Variants in KIF11 observed in about 807,000 individuals in gnomAD.
KIF11 encodes the protein kinesin family member 11, also known as kinesin-like protein KIF11.
A neutral mutation model predicts 121.0 loss-of-function variants in KIF11; 9 were observed. The observed-to-expected ratio is 0.07, with a 90% CI of 0.04 to 0.13. The LOEUF (loss-of-function observed/expected upper bound fraction) is 0.13, where lower values mean the gene tolerates loss of function less well. KIF11 is among the 10% of genes least tolerant of loss of function. KIF11 has a pLI of 1.00. For missense variants in KIF11, 846 were observed against 1,217.5 expected (o/e 0.69, Z 4.54); for synonymous variants, 408 against 421.0 (o/e 0.97, Z 0.38).
chr10:92,644,943 G>T (rs981606766), intron 17 of KIF11, among the ~76,000 whole-genome samples: 1 of 152,146 alleles, frequency 6.6e-6, no homozygotes, highest in Non-Finnish European at 1.5e-5. Flanking sequence ...CATAACATTT[G>T]TAATGTTCAT....
At chr10:92,600,002 A>C (rs1382348384) in intron 1 of KIF11, among the ~76,000 whole-genome samples, 1 of 104,014 alleles carries the variant, frequency 9.6e-6, no homozygotes, top group Non-Finnish European at 1.9e-5. Context: ...TATTATTATT[A>C]TTTATTTATT....
At chr10:92,628,490 C>A (rs1219351932) in intron 10 of KIF11, among the ~76,000 whole-genome samples, 1 of 152,166 alleles carries the variant, frequency 6.6e-6, no homozygotes, top group Non-Finnish European at 1.5e-5. Flanking sequence ...GAGTTATAGT[C>A]CGTCCTCTGT....
At chr10:92,628,946 G>T (rs369282819) in intron 11 of KIF11, 51 bp downstream of exon 11, 8 of 962,342 alleles carry the variant, frequency 8.3e-6, no homozygotes, top group South Asian at 3.1e-5. Flanking sequence ...AATATTGAAA[G>T]AAAATTTTAG....
At chr10:92,627,927 G>A (rs1283559706) in intron 10 of KIF11, among the ~76,000 whole-genome samples, 1 of 152,114 alleles carries the variant, frequency 6.6e-6, no homozygotes, top group Non-Finnish European at 1.5e-5. Context: ...TTTGTATGTA[G>A]ATTTACACTT....
At chr10:92,594,865 A>G (rs1333453620) in intron 1 of KIF11, among the ~76,000 whole-genome samples, 1 of 145,368 alleles carries the variant, frequency 6.9e-6, no homozygotes, top group African/African-American at 2.8e-5. Flanking sequence ...ATTTTTGTGT[A>G]AAGAGATTTT....
At chr10:92,633,531 G>C (rs980843426) in intron 13 of KIF11, 92 bp from the exon 14 acceptor site, 4 of 841,632 alleles carry the variant, frequency 4.8e-6, no homozygotes, top group African/African-American at 1.7e-5. Flanking sequence ...CTACAACAAG[G>C]GTATACTTTT....
rs370081426 is a variant in KIF11 at position 92,605,093 on chromosome 10, T to C, written c.78-1172T>C. Among the ~76,000 whole-genome samples the C allele has an allele frequency of 2.0e-5, 3 of 152,126 alleles. No individual in the cohort carries two copies. In the East Asian group the frequency reaches 5.8e-4, roughly 29 times the overall value. On this transcript the variant is annotated intron_variant, in intron 1 of 21. Transcript: ENST00000260731. ...GTAGGAATATATAGCAGACATTTAA[T>C]GTGGTCTTGGTTGGAGCAGGTGGGG...
At position 92,609,069 on chromosome 10, in the gene KIF11, A is replaced by G; in HGVS notation, c.437A>G (p.Lys146Arg). 6.3e-7 allele frequency: 1 copy of G among 1,597,468 alleles called. No homozygotes were observed. Reference protein sequence around the residue: ...IPRTLHQIFEKLTDNGTEFSV... With the variant: ...IPRTLHQIFERLTDNGTEFSV... ...CGTACCCTTCATCAAATTTTTGAGAAACTTACTGATAATGGTACTGAATTT... is the reference window on the plus strand; with the variant it reads ...CGTACCCTTCATCAAATTTTTGAGAGACTTACTGATAATGGTACTGAATTT... The change falls in exon 5 of 22, where the codon AAA becomes AGA. Residue 146 changes from lysine to arginine, a missense_variant. Lys to Arg is a conservative substitution (Grantham distance 26, BLOSUM62 2). Coordinates refer to ENST00000260731, the MANE Select transcript of KIF11 (RefSeq NM_004523.4).
intron 18 of KIF11, 75 bp downstream of exon 18, chr10:92,645,717 G>T: frequency 8.9e-7 from 1 of 1,121,170 alleles, no homozygotes; most frequent in South Asian, 1.6e-5. Flanking sequence ...GCTAAGAATA[G>T]ATTTCAAAAC....
chr10:92,645,792 A>T (rs1844912076), intron 18 of KIF11, 150 bp downstream of exon 18: 2 of 603,012 alleles, frequency 3.3e-6, no homozygotes, highest in African/African-American at 1.9e-5. Context: ...CTTACAGATG[A>T]TCTCGTTTTG....
Position 92,593,244 on chromosome 10 carries a change from G to C in KIF11, c.-132G>C, listed in dbSNP as rs1214122882. On this transcript the variant is annotated 5_prime_UTR_variant, in exon 1 of 22. Coordinates refer to ENST00000260731, the MANE Select transcript of KIF11 (RefSeq NM_004523.4). ...AGAGCGGGGACGCCGACCTGCGTGC[G>C]TCGGTCCTCCAGGCCACGCCAGCGC... 1.4e-5 allele frequency: 11 copies of C among 803,154 alleles called. No homozygotes were observed. The highest frequency in any genetic ancestry group is 2.0e-5 in the Non-Finnish European group (10 of 511,576). The allele number at this position is 803,154 out of a possible 1,614,324, so 49.8% of individuals were successfully genotyped here.
chr10:92,614,173 T>C (rs1844529156), intron 8 of KIF11, among the ~76,000 whole-genome samples: 3 of 151,262 alleles, frequency 2.0e-5, no homozygotes, highest in Admixed American at 2.0e-4. Flanking sequence ...CTCGGCTCAC[T>C]GCAACCTCCA....
At chr10:92,625,890 G>C (rs80155250) in intron 10 of KIF11, among the ~76,000 whole-genome samples, 5,137 of 152,106 alleles carry the variant, frequency 0.034, 135 homozygotes, top group Admixed American at 0.06. Flanking sequence ...GGATCTCTAC[G>C]GTAAGAATTA....
At chr10:92,632,798 T>G in intron 13 of KIF11, 105 bp downstream of exon 13, 1 of 589,346 alleles carries the variant, frequency 1.7e-6, no homozygotes, top group Non-Finnish European at 2.9e-6. Flanking sequence ...CAATACTCTC[T>G]ACCATGCACA....
In KIF11 at chr10:92,593,232, C is replaced by G. The variant is rs909397916; in HGVS notation, c.-144C>G. On this transcript the variant is annotated 5_prime_UTR_variant, in exon 1 of 22. Coordinates refer to ENST00000260731, the MANE Select transcript of KIF11 (RefSeq NM_004523.4). ...AGTACCGGGTAGAGAGCGGGGACGC[C>G]GACCTGCGTGCGTCGGTCCTCCAGG... 1.4e-6 allele frequency: 1 copy of G among 715,782 alleles called. No individual in the cohort carries two copies. Among genetic ancestry groups the G allele is most frequent in the African/African-American group, 1.8e-5 (1 of 55,168 alleles). 44.3% of individuals were successfully genotyped at this position (715,782 alleles called of 1,614,324 possible). A position where few individuals can be genotyped will look rare whatever the true frequency, so the allele number is the denominator to read the frequency against.
In KIF11 at chr10:92,616,901, G is replaced by A. The variant is rs1844563295; in HGVS notation, c.1128+69G>A. 3.5e-6 allele frequency: 3 copies of A among 858,090 alleles called. No homozygotes were observed. The East Asian group carries it at 7.6e-5, about 22-fold the overall frequency. The allele number at this position is 858,090 out of a possible 1,614,324, so 53.2% of individuals were successfully genotyped here. A position where few individuals can be genotyped will look rare whatever the true frequency, so the allele number is the denominator to read the frequency against. ...ATGTGAAAATAAGAAACTGAAGTGG[G>A]AGATAATAGTTAAACAAGATTTGTT... is the stretch of plus-strand genomic sequence containing the variant. On this transcript the variant is annotated intron_variant, in intron 9 of 21. Coordinates refer to ENST00000260731, the MANE Select transcript of KIF11 (RefSeq NM_004523.4).
intron 1 of KIF11, among the ~76,000 whole-genome samples, chr10:92,601,263 C>A (rs886850792): frequency 6.6e-6 from 1 of 151,852 alleles, no homozygotes; most frequent in African/African-American, 2.4e-5. Context: ...TGCAGTGGTG[C>A]AATCTCTGCT....
intron 1 of KIF11, among the ~76,000 whole-genome samples, chr10:92,604,318 T>C (rs74447633): frequency 6.6e-6 from 1 of 152,190 alleles, no homozygotes; most frequent in East Asian, 1.9e-4. Flanking sequence ...ATGGTATTCA[T>C]TTGGTAACTT....
At chr10:92,616,634 C>T (rs985163862) in intron 8 of KIF11, 103 bp from the exon 9 acceptor site, 16 of 589,224 alleles carry the variant, frequency 2.7e-5, no homozygotes, top group Non-Finnish European at 4.1e-5. Context: ...TTAGATATAA[C>T]TATAAAATAT....
Sources: gnomAD v4.1 joint callset for allele counts (sites outside exome capture counted in the v4.1 genomes callset) on GRCh38, gnomAD v4.1.1 for gene constraint, MANE v1.5 for transcripts, NCBI Gene and HGNC (gene_info 2026-07-23, HGNC 2026-07-21) for gene names.